Variants in NUP214 observed in about 807,000 individuals in gnomAD.
NUP214 encodes nuclear pore complex protein Nup214.
Under a neutral mutation model 196.2 loss-of-function variants are expected in NUP214, and 79 were observed. That is an observed-to-expected ratio of 0.40 (90% confidence interval 0.34 to 0.49). The LOEUF is 0.49. Ranked by LOEUF, NUP214 falls within the 20% of genes least tolerant of loss-of-function variation. The pLI, the probability that NUP214 is intolerant of heterozygous loss-of-function variation, is 0.58. For missense variants in NUP214, 2,468 were observed against 2,539.0 expected, an observed-to-expected ratio of 0.97 and a Z score of 0.60; for synonymous variants, 1,020 against 990.5, an observed-to-expected ratio of 1.03 and a Z score of -0.56.
In NUP214 at chr9:131,159,396, T is replaced by A; in HGVS notation, c.2450T>A (p.Leu817His). The change falls in exon 18 of 36, where the codon CTT becomes CAT. Residue 817 changes from leucine (L) to histidine (H), a missense_variant. By Grantham distance (99) the Leu-to-His change is moderately conservative. Coordinates refer to ENST00000359428, the MANE Select transcript of NUP214 (RefSeq NM_005085.4). ...SEAQLQEIRR[L>H]HQYVKFAVQD... ...TTTTTCTTATAGGAAATTCGGCGCC[T>A]TCATCAGTATGTGAAATTTGCTGTC... 6.2e-7 allele frequency: 1 copy of A among 1,613,230 alleles called. No homozygotes were observed. The highest frequency in any genetic ancestry group is 8.5e-7 in the Non-Finnish European group (1 of 1,179,494).
intron 31 of NUP214, among the ~76,000 whole-genome samples, chr9:131,220,622 A>G (rs949613769): frequency 3.9e-5 from 6 of 152,248 alleles, no homozygotes; most frequent in African/African-American, 1.4e-4. Context: ...AGTCTACAAC[A>G]TACCACACTA....
intron 1 of NUP214, chr9:131,127,186 T>G (rs1831384528): frequency 6.1e-6 from 1 of 165,024 alleles, no homozygotes; most frequent in Non-Finnish European, 1.3e-5. Flanking sequence ...AGTTCGAGAC[T>G]AGCCTGGCCA....
chr9:131,129,674 A>G (rs1831469547), intron 4 of NUP214, among the ~76,000 whole-genome samples, 197 bp downstream of exon 4: 1 of 151,936 alleles, frequency 6.6e-6, no homozygotes. Flanking sequence ...GCATCATCTC[A>G]GCCACTGCAA....
chr9:131,184,412 C>A lies in NUP214; in HGVS notation c.3420-2877C>A, dbSNP rs1833391467. On this transcript the variant is annotated intron_variant, in intron 24 of 35. Transcript: ENST00000359428. Reference sequence around the variant, plus strand: ...GCAGTGGCACAATCTTGGCTCACTGCAACCTCTGTCTCCCGGGTTCAAGCG... The same window carrying A: ...GCAGTGGCACAATCTTGGCTCACTGAAACCTCTGTCTCCCGGGTTCAAGCG... Among the ~76,000 whole-genome samples the A allele has an allele frequency of 1.1e-4, 17 of 150,974 alleles. No individual in the cohort carries two copies. The South Asian group carries it at 3.6e-3, about 32-fold the overall frequency.
chr9:131,186,709 A>T (rs1281279033), intron 24 of NUP214, among the ~76,000 whole-genome samples: 1 of 152,246 alleles, frequency 6.6e-6, no homozygotes, highest in Non-Finnish European at 1.5e-5. Context: ...ACAAAAGATG[A>T]TGAGAGCTCT....
chr9:131,197,794 G>C lies in NUP214; in HGVS notation c.4300G>C (p.Ala1434Pro), dbSNP rs1252046381. Residue 1434 changes from alanine to proline, a missense_variant, in exon 29 of 36, where the codon GCT becomes CCT. Around this residue, in one of 5 missense-constraint regions of NUP214, gnomAD observed 1,801 missense variants for 1,779.4 expected, o/e 1.01. Coordinates refer to ENST00000359428, the MANE Select transcript of NUP214 (RefSeq NM_005085.4). ...CAGTTTTGGTGGGACATCTCTAAGT[G>C]CTGGCAAGACTAGTTTTTCATTTGG... ...VISFGGTSLS[A>P]GKTSFSFGSQ... is the part of the protein sequence containing the mutation. The C allele has an allele frequency of 1.2e-6, 2 of 1,614,092 alleles. No individual in the cohort carries two copies. Among genetic ancestry groups the C allele is most frequent in the Admixed American group, 3.3e-5 (2 of 60,024 alleles).
intron 17 of NUP214, among the ~76,000 whole-genome samples, chr9:131,153,499 C>T (rs1321479892): frequency 6.6e-6 from 1 of 152,166 alleles, no homozygotes; most frequent in Admixed American, 6.5e-5. Context: ...GCCTACTGCT[C>T]ATCAAATTAC....
At position 131,175,573 on chromosome 9, in the gene NUP214, G is replaced by A; in HGVS notation, c.3271G>A (p.Ala1091Thr). ...TTCCCACCCCATCTCAGCCCCGCAG[G>A]CAGCTGCCGCAGCAGCACTCAGGCG... is the stretch of plus-strand genomic sequence containing the variant. ...SPSHPISAPQ[A>T]AAAAALRRQM... Residue 1091 changes from alanine to threonine, a missense_variant, in exon 23 of 36, where the codon GCA becomes ACA. By Grantham distance (58) the Ala-to-Thr change is moderately conservative. Coordinates refer to ENST00000359428, the MANE Select transcript of NUP214 (RefSeq NM_005085.4). The A allele has an allele frequency of 3.1e-6, 5 of 1,614,128 alleles. No homozygotes were observed. The highest frequency in any genetic ancestry group is 4.2e-6 in the Non-Finnish European group (5 of 1,180,030).
chr9:131,205,229 A>AAAT (rs1474189927), intron 30 of NUP214, among the ~76,000 whole-genome samples: 1 of 152,198 alleles, frequency 6.6e-6, no homozygotes, highest in Non-Finnish European at 1.5e-5. Flanking sequence ...TTAAATAGGA[A>AAAT]AATTGTAGCC....
At position 131,140,578 on chromosome 9, in the gene NUP214, G is replaced by A; in HGVS notation, c.1162G>A (p.Val388Ile). 1 of 1,613,348 alleles carries A rather than the reference G, an allele frequency of 6.2e-7. No homozygotes were observed. The highest frequency in any genetic ancestry group is 8.5e-7 in the Non-Finnish European group (1 of 1,179,736). Residue 388 changes from valine to isoleucine, a missense_variant, in exon 11 of 36, where the codon GTT becomes ATT. Physicochemically the swap from Val to Ile is conservative, Grantham distance 29. Coordinates refer to ENST00000359428, the MANE Select transcript of NUP214 (RefSeq NM_005085.4). ...SDEKTLPPAPVLMLLSTDGVL... is the reference protein window; with the variant it reads ...SDEKTLPPAPILMLLSTDGVL... ...TGAAAAGACTCTTCCTCCTGCTCCA[G>A]TTCTCATGTTACTTTCAACAGATGG...
chr9:131,129,565 T>C, intron 4 of NUP214, 88 bp downstream of exon 4: 1 of 1,366,170 alleles, frequency 7.3e-7, no homozygotes. Context: ...GGATAGCTTT[T>C]TGTGTTTTGG....
At chr9:131,185,335 C>G (rs1833423857) in intron 24 of NUP214, among the ~76,000 whole-genome samples, 1 of 152,180 alleles carries the variant, frequency 6.6e-6, no homozygotes, top group Non-Finnish European at 1.5e-5. Flanking sequence ...CCCGAGTTTC[C>G]AGACTCTTAG....
chr9:131,166,634 T>G (rs181379015), intron 21 of NUP214, among the ~76,000 whole-genome samples: 53 of 152,318 alleles, frequency 3.5e-4, no homozygotes, highest in African/African-American at 1.3e-3. Flanking sequence ...CGTATATCCC[T>G]GTAGCCTCTA....
At chr9:131,130,137 GT>G (rs757856001) in intron 4 of NUP214, among the ~76,000 whole-genome samples, 1 of 76,894 alleles carries the variant, frequency 1.3e-5, no homozygotes, top group East Asian at 4.6e-4. Flanking sequence ...TTCTGGTTTT[GT>G]TTTTTTTTTT....
At chr9:131,201,384 C>T (rs1443530927) in intron 29 of NUP214, among the ~76,000 whole-genome samples, 4 of 150,928 alleles carry the variant, frequency 2.7e-5, no homozygotes, top group Non-Finnish European at 4.4e-5. Context: ...CCAGCCTGGG[C>T]GACAGAGCAA....
intron 19 of NUP214, 116 bp downstream of exon 19, chr9:131,163,289 A>G: frequency 9.5e-7 from 1 of 1,049,490 alleles, no homozygotes; most frequent in Non-Finnish European, 1.3e-6. Flanking sequence ...TCACCTGTGT[A>G]ATCCTGGTCA....
intron 30 of NUP214, among the ~76,000 whole-genome samples, chr9:131,210,975 G>A (rs1376149278): frequency 1.3e-5 from 2 of 152,128 alleles, no homozygotes; most frequent in Non-Finnish European, 2.9e-5. Context: ...CTAAATAAAT[G>A]AAAATACATC....
Position 131,228,280 on chromosome 9 carries a change from G to C in NUP214, c.6023G>C (p.Gly2008Ala). 6.2e-7 allele frequency: 1 copy of C among 1,605,448 alleles called. No homozygotes were observed. Among genetic ancestry groups the C allele is most frequent in the Non-Finnish European group, 8.5e-7 (1 of 1,177,046 alleles). The change falls in exon 33 of 36, where the codon GGA becomes GCA. Residue 2008 changes from glycine to alanine, a missense_variant. Around this residue, in one of 5 missense-constraint regions of NUP214, gnomAD observed 262 missense variants for 296.5 expected, o/e 0.88. Transcript: ENST00000359428. ...TTTACAAGCCCTCTGGGCTCGACGGGAGGCAAAGTGTTCGGAGAGGGCACT... is the reference window on the plus strand; with the variant it reads ...TTTACAAGCCCTCTGGGCTCGACGGCAGGCAAAGTGTTCGGAGAGGGCACT... ...PAFTSPLGSTGGKVFGEGTAA... is the reference protein window; with the variant it reads ...PAFTSPLGSTAGKVFGEGTAA...
intron 14 of NUP214, among the ~76,000 whole-genome samples, chr9:131,148,798 A>G (rs1440619596): frequency 1.3e-5 from 2 of 152,150 alleles, no homozygotes; most frequent in African/African-American, 2.4e-5. Context: ...ACACACACGC[A>G]CACACATACA....
Sources: gnomAD v4.1 joint callset for allele counts (sites outside exome capture counted in the v4.1 genomes callset) on GRCh38, gnomAD v4.1.1 for gene constraint, gnomAD v4.1.1 regional missense constraint, MANE v1.5 for transcripts, NCBI Gene and HGNC (gene_info 2026-07-23, HGNC 2026-07-21) for gene names.